Variants in NEXMIF observed in about 807,000 individuals in gnomAD.
NEXMIF encodes neurite extension and migration factor.
Under a neutral mutation model 62.1 loss-of-function variants are expected in NEXMIF, and 8 were observed. That is an observed-to-expected ratio of 0.13 (90% CI 0.08 to 0.23). The LOEUF (loss-of-function observed/expected upper bound fraction) is 0.23. NEXMIF is among the 10% of genes least tolerant of loss of function. The pLI is 1.00. For synonymous variants in NEXMIF, 404 were observed against 416.6 expected (o/e 0.97, Z 0.37); for missense variants, 976 against 1,113.3 (o/e 0.88, Z 1.75).
intron 1 of NEXMIF, among the ~76,000 whole-genome samples, chrX:74,768,133 C>T (rs770820417): frequency 2.7e-5 from 3 of 111,322 alleles, no homozygotes; most frequent in Non-Finnish European, 5.7e-5. Flanking sequence ...AGTGGGTTCA[C>T]TAAGGGATCT....
intron 1 of NEXMIF, among the ~76,000 whole-genome samples, chrX:74,796,231 T>TATATATATATATAAATATATA (rs2080309933): frequency 1.9e-5 from 1 of 53,303 alleles, no homozygotes; most frequent in Non-Finnish European, 3.2e-5. Flanking sequence ...ACATATATAA[T>TATATATATATATAAATATATA]ATATATATAT....
chrX:74,910,502 A>T (rs145905361), intron 1 of NEXMIF, among the ~76,000 whole-genome samples: 4 of 111,755 alleles, frequency 3.6e-5, no homozygotes, highest in African/African-American at 1.3e-4. Flanking sequence ...AGGCTCATAG[A>T]TGGAAGGGAC....
chrX:74,876,165 T>C (rs1416870517), intron 1 of NEXMIF, among the ~76,000 whole-genome samples: 21 of 111,228 alleles, frequency 1.9e-4, no homozygotes, highest in East Asian at 2.8e-4. Flanking sequence ...GCTTTGAATG[T>C]GTCCCAGAGA....
At chrX:74,862,122 C>T (rs186463665) in intron 1 of NEXMIF, among the ~76,000 whole-genome samples, 118 of 110,964 alleles carry the variant, frequency 1.1e-3, no homozygotes, top group Non-Finnish European at 1.8e-3. Context: ...CACACATAGG[C>T]TCAAAATAAA....
At chrX:74,782,644 C>T (rs1338994474) in intron 1 of NEXMIF, among the ~76,000 whole-genome samples, 1 of 112,054 alleles carries the variant, frequency 8.9e-6, no homozygotes, top group Non-Finnish European at 1.9e-5. Context: ...ACTCTACAGA[C>T]CATGTTCTTC....
chrX:74,769,569 A>G, intron 1 of NEXMIF: 1 of 429,961 alleles, frequency 2.3e-6, no homozygotes, highest in Non-Finnish European at 4.1e-6. Context: ...GCCAGCGCTG[A>G]GAAACCGACC....
intron 1 of NEXMIF, among the ~76,000 whole-genome samples, chrX:74,837,782 A>C (rs2080461956): frequency 8.9e-6 from 1 of 112,149 alleles, no homozygotes; most frequent in African/African-American, 3.2e-5. Context: ...GAAAGTAGTC[A>C]TCAAGGGGGA....
chrX:74,858,685 A>G (rs1040011250), intron 1 of NEXMIF, among the ~76,000 whole-genome samples: 11 of 111,493 alleles, frequency 9.9e-5, no homozygotes, highest in Non-Finnish European at 1.5e-4. Context: ...TAAATTAGGC[A>G]CCAGGGGCCA....
intron 1 of NEXMIF, among the ~76,000 whole-genome samples, chrX:74,877,920 T>A (rs1211810831): frequency 1.8e-5 from 2 of 111,876 alleles, no homozygotes; most frequent in Admixed American, 1.9e-4. Context: ...TTTCAACTTC[T>A]TTGCCTTTGG....
intron 1 of NEXMIF, among the ~76,000 whole-genome samples, chrX:74,803,658 GAAAC>G (rs1489551287): frequency 9.0e-6 from 1 of 110,946 alleles, no homozygotes; most frequent in Non-Finnish European, 1.9e-5. Context: ...AAACAGAAAA[GAAAC>G]AAACAATATA....
At chrX:74,852,448 C>T (rs998173625) in intron 1 of NEXMIF, among the ~76,000 whole-genome samples, 8 of 112,050 alleles carry the variant, frequency 7.1e-5, no homozygotes, top group Non-Finnish European at 1.1e-4. Flanking sequence ...TGGATTTAAA[C>T]GGCACTTTAG....
In NEXMIF at chrX:74,744,296, G is replaced by A. The variant is rs758313606; in HGVS notation, c.261C>T (p.Pro87=). ...CAGAAGCACTATTAGCAGCATGTTC[G>A]GGTGCTTCAATCAGGCCCAAAGGAG... ...PPSPLGLIEA[P]EHAANSASVN... Residue 87 remains proline, a synonymous_variant, in exon 3 of 4, where the codon CCC becomes CCT. Coordinates refer to ENST00000055682, the MANE Select transcript of NEXMIF (RefSeq NM_001008537.3). The A allele has an allele frequency of 9.9e-6, 12 of 1,209,425 alleles. No homozygotes were observed. The highest frequency in any genetic ancestry group is 1.8e-5 in the South Asian group (1 of 56,748).
chrX:74,861,114 C>G, intron 1 of NEXMIF, among the ~76,000 whole-genome samples: 1 of 111,740 alleles, frequency 8.9e-6, no homozygotes, highest in East Asian at 2.8e-4. Flanking sequence ...ATTATAAGAG[C>G]TGTTAACCAG....
chrX:74,822,005 C>G (rs1303271798), intron 1 of NEXMIF, among the ~76,000 whole-genome samples: 1 of 111,537 alleles, frequency 9.0e-6, no homozygotes, highest in East Asian at 2.8e-4. Context: ...TCCGCCTCGG[C>G]CTCCCAGTGT....
chrX:74,790,580 T>C (rs2080277718), intron 1 of NEXMIF, among the ~76,000 whole-genome samples: 1 of 113,039 alleles, frequency 8.8e-6, no homozygotes, highest in Non-Finnish European at 1.9e-5. Flanking sequence ...ATGGCCATTT[T>C]CACAATACTG....
At chrX:74,787,590 C>A (rs954837679) in intron 1 of NEXMIF, among the ~76,000 whole-genome samples, 10 of 111,997 alleles carry the variant, frequency 8.9e-5, no homozygotes, top group African/African-American at 3.2e-4. Context: ...TTACTTCTTA[C>A]ATACAGGCCC....
At chrX:74,919,388 C>A (rs182197570) in intron 1 of NEXMIF, among the ~76,000 whole-genome samples, 1 of 111,057 alleles carries the variant, frequency 9.0e-6, no homozygotes, top group Admixed American at 9.6e-5. Context: ...CTCATTATAC[C>A]CTCAAGTTTT....
At chrX:74,855,164 T>C (rs1017783239) in intron 1 of NEXMIF, among the ~76,000 whole-genome samples, 6 of 111,713 alleles carry the variant, frequency 5.4e-5, no homozygotes, top group African/African-American at 2.0e-4. Flanking sequence ...GACTTCAAAA[T>C]ATATTACAAA....
At chrX:74,911,248 T>C (rs919318806) in intron 1 of NEXMIF, among the ~76,000 whole-genome samples, 22 of 111,186 alleles carry the variant, frequency 2.0e-4, no homozygotes, top group Non-Finnish European at 1.9e-5. Context: ...GGTGAAACCC[T>C]GTCTCTACTA....
Sources: gnomAD v4.1 joint callset for allele counts (sites outside exome capture counted in the v4.1 genomes callset) on GRCh38, gnomAD v4.1.1 for gene constraint, MANE v1.5 for transcripts, NCBI Gene and HGNC (gene_info 2026-07-23, HGNC 2026-07-21) for gene names.